The following MMP26 variants were observed in gnomAD, a reference collection of about 807,000 sequenced individuals.
MMP26 encodes matrix metallopeptidase 26.
In MMP26, 33 loss-of-function variants were observed where a neutral mutation model predicts 31.0. The observed-to-expected ratio is 1.06, with a 90% CI of 0.81 to 1.42. The LOEUF (loss-of-function observed/expected upper bound fraction) is 1.42. MMP26 is among the 40% of genes most tolerant of loss of function. The probability of loss-of-function intolerance (pLI) is 0.00; values close to 1 mark genes in which losing one functional copy is unlikely to be tolerated. For missense variants in MMP26, 347 were observed against 316.1 expected, an observed-to-expected ratio of 1.10 and a Z score of -0.74; for synonymous variants, 122 against 114.9, an observed-to-expected ratio of 1.06 and a Z score of -0.40.
intron 2 of MMP26, among the ~76,000 whole-genome samples, chr11:4,841,396 T>C (rs1849794037): frequency 6.6e-6 from 1 of 151,980 alleles, no homozygotes; most frequent in South Asian, 2.1e-4. Context: ...CAAAATCAAA[T>C]ATAATGAAAG....
At chr11:4,908,645 A>T in intron 2 of MMP26, 1 of 353,822 alleles carries the variant, frequency 2.8e-6, no homozygotes, top group South Asian at 2.7e-5. Flanking sequence ...AAAAATACAG[A>T]TGATATACAA....
At chr11:4,915,529 C>G (rs554121981) in intron 2 of MMP26, 14 of 1,613,896 alleles carry the variant, frequency 8.7e-6, no homozygotes, top group Non-Finnish European at 1.2e-5. Flanking sequence ...TGCAGTTGCC[C>G]GGGATGGAAA....
intron 2 of MMP26, chr11:4,793,887 A>G (rs1003488469): frequency 6.6e-6 from 1 of 152,166 alleles, no homozygotes; most frequent in Non-Finnish European, 1.5e-5. Flanking sequence ...GAGCAAGGAG[A>G]TGGGAATCAC....
intron 2 of MMP26, among the ~76,000 whole-genome samples, chr11:4,974,383 T>A (rs950719755): frequency 2.6e-5 from 4 of 152,050 alleles, no homozygotes; most frequent in Admixed American, 6.6e-5. Flanking sequence ...AAAAAATATA[T>A]GTATATAGTG....
At chr11:4,986,024 T>G (rs1846880631) in intron 2 of MMP26, among the ~76,000 whole-genome samples, 1 of 152,224 alleles carries the variant, frequency 6.6e-6, no homozygotes, top group African/African-American at 2.4e-5. Context: ...TTCTGTTGCC[T>G]GCTGCTGTTG....
At chr11:4,735,740 A>G (rs950430319) in intron 1 of MMP26, among the ~76,000 whole-genome samples, 5 of 152,122 alleles carry the variant, frequency 3.3e-5, no homozygotes, top group Admixed American at 2.6e-4. Flanking sequence ...TGATTAAATT[A>G]TATTTCAGAA....
rs150968375 is a variant in MMP26, at chr11:4,899,344, A to G, written c.-144-88724A>G. Among the ~76,000 whole-genome samples the G allele has an allele frequency of 4.8e-3, 734 of 152,290 alleles. 7 individuals are homozygous for G. Among genetic ancestry groups the G allele is most frequent in the African/African-American group, 0.015 (627 of 41,554 alleles). On this transcript the variant is annotated intron_variant, in intron 2 of 7. Transcript: ENST00000380390. Reference sequence around the variant, plus strand: ...CCCAAGAAGAAGACACGATCATGAAAAGTTTGTGAACGAACTACAACATAC... The same window carrying G: ...CCCAAGAAGAAGACACGATCATGAAGAGTTTGTGAACGAACTACAACATAC...
intron 2 of MMP26, among the ~76,000 whole-genome samples, chr11:4,790,939 C>T (rs141993620): frequency 1.6e-3 from 249 of 152,250 alleles, no homozygotes; most frequent in Middle Eastern, 6.8e-3. Context: ...TGTATATAAA[C>T]GTCTCTTACA....
intron 2 of MMP26, among the ~76,000 whole-genome samples, chr11:4,904,532 A>G (rs938715647): frequency 2.0e-5 from 3 of 151,946 alleles, no homozygotes; most frequent in Non-Finnish European, 4.4e-5. Context: ...TCAGGGTTCT[A>G]TGAGTTTTAA....
At position 4,952,358 on chromosome 11, in the gene MMP26, C is replaced by T. The variant is rs1846382851; in HGVS notation, c.-144-35710C>T. Among the ~76,000 whole-genome samples, 2 of 124,498 alleles carry T rather than the reference C, an allele frequency of 1.6e-5. 1 individual carries two copies. Among genetic ancestry groups the T allele is most frequent in the Non-Finnish European group, 3.6e-5 (2 of 54,936 alleles). 81.7% of individuals were successfully genotyped at this position (124,498 alleles called of 152,430 possible). A position where few individuals can be genotyped will look rare whatever the true frequency, so the allele number is the denominator to read the frequency against. On this transcript the variant is annotated intron_variant, in intron 2 of 7. Transcript: ENST00000380390. ...AAATGAAGTCTTTATATTGAGCTGC[C>T]TATCCTCACCCTGAGAGAATAGGAG...
intron 1 of MMP26, among the ~76,000 whole-genome samples, chr11:4,764,824 G>A (rs1848608835): frequency 6.6e-6 from 1 of 152,174 alleles, no homozygotes; most frequent in Non-Finnish European, 1.5e-5. Flanking sequence ...AGTGAGCTGA[G>A]ATCGCGCAGC....
intron 2 of MMP26, among the ~76,000 whole-genome samples, chr11:4,959,118 G>A (rs1004258625): frequency 6.6e-6 from 1 of 151,562 alleles, no homozygotes; most frequent in African/African-American, 2.4e-5. Context: ...GGCGCCTGTA[G>A]TCCCAGCTAC....
intron 1 of MMP26, among the ~76,000 whole-genome samples, chr11:4,765,970 G>A (rs1356083174): frequency 6.6e-6 from 1 of 152,134 alleles, no homozygotes; most frequent in Non-Finnish European, 1.5e-5. Flanking sequence ...TCACTCAGTA[G>A]TAAATTAGCT....
At position 4,746,764 on chromosome 11, in the gene MMP26, G is replaced by T. The variant is rs997226085; in HGVS notation, c.-216-20506G>T. 1.8e-4 allele frequency among the ~76,000 whole-genome samples: 28 copies of T among 151,476 alleles called. 1 individual carries two copies. Among genetic ancestry groups the T allele is most frequent in the Admixed American group, 1.6e-3 (24 of 15,186 alleles). On this transcript the variant is annotated intron_variant, in intron 1 of 7. Transcript: ENST00000380390. ...CAGGAGAATCACTTGAACCAGAGAGGTGGAGGTTGCAGTGAGCTGAGATTG... is the reference window on the plus strand; with the variant it reads ...CAGGAGAATCACTTGAACCAGAGAGTTGGAGGTTGCAGTGAGCTGAGATTG...
chr11:4,903,391 A>C (rs1850831953), intron 2 of MMP26, among the ~76,000 whole-genome samples: 1 of 152,140 alleles, frequency 6.6e-6, no homozygotes, highest in Non-Finnish European at 1.5e-5. Flanking sequence ...ATACTTATAG[A>C]TTACTATCTC....
At position 4,785,443 on chromosome 11, in the gene MMP26, C is replaced by G. The variant is rs370872132; in HGVS notation, c.-145+18102C>G. Reference sequence around the variant, plus strand: ...CCTTTTGATATGTATACTTATTGTCCGAGACTCATTAGCTACAAGGTAACT... The same window carrying G: ...CCTTTTGATATGTATACTTATTGTCGGAGACTCATTAGCTACAAGGTAACT... On this transcript the variant is annotated intron_variant, in intron 2 of 7. Transcript: ENST00000380390. Among the ~76,000 whole-genome samples, 5 of 151,796 alleles carry G rather than the reference C, an allele frequency of 3.3e-5. No homozygotes were observed. In the East Asian group the frequency reaches 5.8e-4, roughly 18 times the overall value.
At chr11:4,979,704 C>G (rs1467621948) in intron 2 of MMP26, among the ~76,000 whole-genome samples, 1 of 152,114 alleles carries the variant, frequency 6.6e-6, no homozygotes, top group Non-Finnish European at 1.5e-5. Context: ...TCTCTGCAGA[C>G]TCCAGCTATA....
At chr11:4,854,897 T>A (rs900195851) in intron 2 of MMP26, among the ~76,000 whole-genome samples, 2 of 152,184 alleles carry the variant, frequency 1.3e-5, no homozygotes, top group African/African-American at 4.8e-5. Flanking sequence ...CAACATTTGC[T>A]GTTCTGCAAT....
intron 1 of MMP26, among the ~76,000 whole-genome samples, chr11:4,759,009 G>A (rs1388889183): frequency 6.6e-6 from 1 of 150,958 alleles, no homozygotes; most frequent in Non-Finnish European, 1.5e-5. Flanking sequence ...TACCTGGGAG[G>A]CTGAGGCAGG....
Sources: allele counts gnomAD v4.1 joint callset (sites outside exome capture counted in the v4.1 genomes callset), GRCh38; gene constraint gnomAD v4.1.1; transcripts MANE v1.5; gene names NCBI Gene and HGNC (gene_info 2026-07-23, HGNC 2026-07-21).